Variants in RAD54B observed in about 807,000 individuals in gnomAD.
RAD54B encodes DNA repair and recombination protein RAD54B.
In RAD54B, 78 loss-of-function variants were observed where a neutral mutation model predicts 95.8. The observed-to-expected ratio is 0.81, with a 90% CI of 0.68 to 0.98. The LOEUF (loss-of-function observed/expected upper bound fraction) is 0.98, where lower values mean the gene tolerates loss of function less well. RAD54B is among the 50% of genes least tolerant of loss of function. The pLI is 0.00. For synonymous variants in RAD54B, 328 were observed against 354.9 expected, an observed-to-expected ratio of 0.92 and a Z score of 0.85; for missense variants, 957 against 1,056.6, an observed-to-expected ratio of 0.91 and a Z score of 1.31.
intron 8 of RAD54B, among the ~76,000 whole-genome samples, chr8:94,398,272 C>T (rs992042018): frequency 1.3e-5 from 2 of 151,928 alleles, no homozygotes; most frequent in African/African-American, 4.8e-5. Flanking sequence ...TTTTAAAGCA[C>T]AGATCATTTT....
chr8:94,422,734 C>G (rs1362144131), intron 3 of RAD54B, among the ~76,000 whole-genome samples: 2 of 125,686 alleles, frequency 1.6e-5, no homozygotes, highest in East Asian at 2.3e-4. Flanking sequence ...TTCTAGAAAG[C>G]CTCCTCACCA....
chr8:94,417,450 ACAC>A (rs779324507), intron 3 of RAD54B, among the ~76,000 whole-genome samples: 26 of 151,234 alleles, frequency 1.7e-4, no homozygotes, highest in Non-Finnish European at 2.8e-4. Flanking sequence ...CAATGAAATA[ACAC>A]CACATCTTGA....
At chr8:94,393,656 T>A in intron 9 of RAD54B, 87 bp downstream of exon 9, 2 of 1,324,068 alleles carry the variant, frequency 1.5e-6, no homozygotes, top group Non-Finnish European at 2.1e-6. Flanking sequence ...CACTATTGAT[T>A]TTTCTAAATC....
chr8:94,412,684 A>T (rs1273699665), intron 3 of RAD54B, among the ~76,000 whole-genome samples: 1 of 152,164 alleles, frequency 6.6e-6, no homozygotes, highest in East Asian at 1.9e-4. Flanking sequence ...AAACAAAATG[A>T]AGTAATTTTT....
intron 11 of RAD54B, among the ~76,000 whole-genome samples, chr8:94,383,226 A>C (rs1300132764): frequency 1.4e-5 from 2 of 140,714 alleles, no homozygotes; most frequent in Non-Finnish European, 3.0e-5. Context: ...CAGAGGTTGG[A>C]GTGAGCTGAG....
At chr8:94,408,272 AATT>A (rs1811442636) in intron 4 of RAD54B, among the ~76,000 whole-genome samples, 1 of 152,158 alleles carries the variant, frequency 6.6e-6, no homozygotes. Context: ...AGCTTGTTTG[AATT>A]ATTATTAATT....
intron 12 of RAD54B, among the ~76,000 whole-genome samples, chr8:94,378,898 GGGACAGTGAGTAT>G (rs1277445851): frequency 6.6e-6 from 1 of 152,150 alleles, no homozygotes; most frequent in African/African-American, 2.4e-5. Context: ...CTTCATCAAT[GGGACAGTGAGTAT>G]GGACAGCAAG....
At chr8:94,408,946 C>T (rs946596600) in intron 4 of RAD54B, among the ~76,000 whole-genome samples, 1 of 151,868 alleles carries the variant, frequency 6.6e-6, no homozygotes, top group African/African-American at 2.4e-5. Flanking sequence ...CTCTTTCAAA[C>T]ATCTCAGTCG....
intron 1 of RAD54B, among the ~76,000 whole-genome samples, chr8:94,469,907 T>C (rs1813125195): frequency 6.6e-6 from 1 of 152,224 alleles, no homozygotes; most frequent in African/African-American, 2.4e-5. Context: ...GTTTCCCAAC[T>C]TTCACTCAAT....
chr8:94,430,405 G>A (rs370953214), intron 3 of RAD54B: 9 of 984,606 alleles, frequency 9.1e-6, no homozygotes, highest in East Asian at 2.3e-4. Context: ...ACTACTCTTC[G>A]ACAAAAATTT....
intron 3 of RAD54B, among the ~76,000 whole-genome samples, chr8:94,422,651 T>TATATATATAAAA (rs556821145): frequency 9.5e-4 from 84 of 88,866 alleles, no homozygotes; most frequent in Non-Finnish European, 1.5e-3. Context: ...TATATATATA[T>TATATATATAAAA]ATAAAATTAT....
intron 14 of RAD54B, 90 bp downstream of exon 14, chr8:94,378,090 T>C (rs959575437): frequency 1.2e-5 from 12 of 1,001,444 alleles, no homozygotes; most frequent in Non-Finnish European, 1.5e-5. Context: ...AAATGGTAAA[T>C]ATTATAAAGT....
rs541246182 is a variant in RAD54B at position 94,442,770 on chromosome 8, G to T, written c.304+15498C>A. 3.9e-5 allele frequency among the ~76,000 whole-genome samples: 6 copies of T among 152,100 alleles called. No homozygotes were observed. In the South Asian group the frequency reaches 1.2e-3, roughly 32 times the overall value. Reference sequence around the variant, plus strand: ...TCTTGTAAAAGAAAATAAAATCTTAGGACCCCAAACTCATTATACCAAAAG... The same window carrying T: ...TCTTGTAAAAGAAAATAAAATCTTATGACCCCAAACTCATTATACCAAAAG... On this transcript the variant is annotated intron_variant, in intron 3 of 14. Transcript: ENST00000336148.
At chr8:94,430,032 G>A in intron 3 of RAD54B, 1 of 985,248 alleles carries the variant, frequency 1.0e-6, no homozygotes, top group Non-Finnish European at 1.2e-6. Context: ...ATAGTATTTA[G>A]GCTGGGCACG....
At chr8:94,429,141 T>TC (rs1812019352) in intron 3 of RAD54B, 1 of 981,180 alleles carries the variant, frequency 1.0e-6, no homozygotes, top group Non-Finnish European at 1.2e-6. Context: ...ATTCTGGTGT[T>TC]TAAAAATATG....
intron 2 of RAD54B, among the ~76,000 whole-genome samples, chr8:94,465,316 C>CA (rs34530069): frequency 5.3e-5 from 8 of 151,560 alleles, no homozygotes; most frequent in Admixed American, 1.3e-4. Context: ...GTTTTTTCAG[C>CA]AAAAAAAGAC....
chr8:94,427,664 AC>A (rs1240810760), intron 3 of RAD54B: 7 of 963,484 alleles, frequency 7.3e-6, no homozygotes, highest in Non-Finnish European at 8.6e-6. Context: ...TTTTACCTCT[AC>A]AGTACTGAAT....
chr8:94,396,303 T>C (rs570704611), intron 8 of RAD54B, among the ~76,000 whole-genome samples: 105 of 151,528 alleles, frequency 6.9e-4, no homozygotes, highest in African/African-American at 2.4e-3. Context: ...GTGTACTTAC[T>C]AAGACTATTT....
intron 12 of RAD54B, 42 bp downstream of exon 12, chr8:94,380,103 C>T (rs1810696644): frequency 6.5e-7 from 1 of 1,540,768 alleles, no homozygotes; most frequent in Non-Finnish European, 8.9e-7. Context: ...ATTGTATCCT[C>T]AGGCATTCAA....
Sources: gnomAD v4.1 joint callset for allele counts (sites outside exome capture counted in the v4.1 genomes callset) on GRCh38, gnomAD v4.1.1 for gene constraint, MANE v1.5 for transcripts, NCBI Gene and HGNC (gene_info 2026-07-23, HGNC 2026-07-21) for gene names.